DPEP1: variants seen among roughly 807,000 people sequenced by gnomAD.
DPEP1 encodes the protein dipeptidase 1, also known as beta-lactamase.
Under a neutral mutation model 42.3 loss-of-function variants are expected in DPEP1, and 50 were observed. That is an observed-to-expected ratio of 1.18 (90% confidence interval 0.94 to 1.50). The LOEUF (loss-of-function observed/expected upper bound fraction) is 1.50, where lower values mean the gene tolerates loss of function less well. Ranked by LOEUF, DPEP1 falls within the 40% of genes most tolerant of loss-of-function variation. The probability of loss-of-function intolerance (pLI) is 0.00; values close to 1 mark genes in which losing one functional copy is unlikely to be tolerated. For synonymous variants in DPEP1, 297 were observed against 234.0 expected, an observed-to-expected ratio of 1.27 and a Z score of -2.46; for missense variants, 663 against 553.0, an observed-to-expected ratio of 1.20 and a Z score of -1.99.
rs200795703 is a variant in DPEP1, at chr16:89,635,989, C to T, written c.186C>T (p.Ala62=). 5.6e-5 allele frequency: 91 copies of T among 1,612,290 alleles called. No homozygotes were observed. The highest frequency in any genetic ancestry group is 4.7e-4 in the African/African-American group (35 of 75,036). Reference sequence around the variant, plus strand: ...AGAGGGCCAACCTGACCACCTTGGCCGGCACACACACCAACATCCCCAAGC... The same window carrying T: ...AGAGGGCCAACCTGACCACCTTGGCTGGCACACACACCAACATCCCCAAGC... The part of the protein sequence containing the change: ...QDERANLTTL[A]GTHTNIPKLR... The change falls in exon 3 of 11, where the codon GCC becomes GCT. Residue 62 remains alanine (A), a synonymous_variant. Transcript: ENST00000690203.
At chr16:89,621,248 C>T (rs1463469986) in intron 1 of DPEP1, among the ~76,000 whole-genome samples, 2 of 150,764 alleles carry the variant, frequency 1.3e-5, no homozygotes, top group Non-Finnish European at 3.0e-5. Flanking sequence ...GAGCTCGCGC[C>T]CTGGTGCAGA....
chr16:89,621,754 G>A (rs968771004), intron 1 of DPEP1, among the ~76,000 whole-genome samples: 1 of 152,220 alleles, frequency 6.6e-6, no homozygotes, highest in Admixed American at 6.5e-5. Flanking sequence ...GTATCTGAGT[G>A]TGCGTTTACT....
At chr16:89,640,032 C>T (rs1335105678), downstream of DPEP1, among the ~76,000 whole-genome samples, 1 of 152,204 alleles carries the variant, frequency 6.6e-6, no homozygotes, top group Admixed American at 6.5e-5. Context: ...CCCAGGCTCC[C>T]TCCCACTGTG....
rs984574592 is a variant in DPEP1 at position 89,631,226 on chromosome 16, C to T, written c.104+712C>T. Among the ~76,000 whole-genome samples the T allele has an allele frequency of 7.2e-5, 11 of 152,120 alleles. 2 individuals carry two copies. The South Asian group carries it at 2.3e-3, about 31-fold the overall frequency. On this transcript the variant is annotated intron_variant, in intron 2 of 10. Coordinates refer to ENST00000690203, the MANE Select transcript of DPEP1 (RefSeq NM_001389466.1). ...GCCCTTGCCTGTGCTGCGCTGTGTG[C>T]CCACCCGGCCCCCACCCCCGACCTC...
Position 89,637,844 on chromosome 16 carries a change from AG to A in DPEP1, c.942del (p.Leu315TrpfsTer10), listed in dbSNP as rs745386646. 14 of 1,612,590 alleles carry A rather than the reference AG, an allele frequency of 8.7e-6. No individual in the cohort carries two copies. In the South Asian group the frequency reaches 1.5e-4, roughly 18 times the overall value. On this transcript the variant is annotated frameshift_variant, in exon 10 of 11. Transcript: ENST00000690203. LOFTEE classifies it high-confidence loss of function. ...TCCTGGCCTCAACACAGGGTCCCTGAGGGGCTGGAGGACGTCTCCAAGTATC... is the reference window on the plus strand; with the variant it reads ...TCCTGGCCTCAACACAGGGTCCCTGAGGGCTGGAGGACGTCTCCAAGTATC... Reference protein sequence around the residue: ...GDFDGVPRVPEGLEDVSKYPD... With the variant: ...GDFDGVPRVPXGLEDVSKYPD...
intron 2 of DPEP1, among the ~76,000 whole-genome samples, chr16:89,634,829 T>C (rs1418364555): frequency 3.4e-5 from 1 of 29,354 alleles, no homozygotes; most frequent in Admixed American, 4.0e-4. Context: ...CCCTTCCTTC[T>C]CCTTTCCCTT....
chr16:89,631,915 C>G (rs969429027), intron 2 of DPEP1, among the ~76,000 whole-genome samples: 23 of 152,124 alleles, frequency 1.5e-4, no homozygotes, highest in Non-Finnish European at 3.1e-4. Flanking sequence ...AGGGTGGTCC[C>G]TGCATCCTCA....
Position 89,635,996 on chromosome 16 carries a change from C to T in DPEP1, c.193C>T (p.His65Tyr). 5.6e-6 allele frequency: 9 copies of T among 1,612,324 alleles called. No individual in the cohort carries two copies. Among genetic ancestry groups the T allele is most frequent in the Non-Finnish European group, 6.8e-6 (8 of 1,179,760 alleles). ...RANLTTLAGT[H>Y]TNIPKLRAGF... ...CAACCTGACCACCTTGGCCGGCACA[C>T]ACACCAACATCCCCAAGCTGAGGGC... Residue 65 changes from histidine (H) to tyrosine (Y), a missense_variant, in exon 3 of 11, where the codon CAC becomes TAC. His to Tyr is a moderately conservative substitution (Grantham distance 83). Coordinates refer to ENST00000690203, the MANE Select transcript of DPEP1 (RefSeq NM_001389466.1).
chr16:89,632,602 CCGGCTT>C (rs1476903836), intron 2 of DPEP1, among the ~76,000 whole-genome samples: 2 of 152,202 alleles, frequency 1.3e-5, no homozygotes, highest in African/African-American at 2.4e-5. Context: ...GAGCAGGACG[CCGGCTT>C]CCATATCCCA....
rs1474550886 is a variant in DPEP1, at chr16:89,637,658, G to C, written c.880G>C (p.Ala294Pro). The part of the protein sequence containing the change: ...ADHLDHIKEV[A>P]GARAVGFGGD... ...CCATCTGGATCACATCAAGGAGGTG[G>C]CAGGAGCCAGAGCCGTGGGTTTTGG... The change falls in exon 9 of 11, where the codon GCA becomes CCA. Residue 294 changes from alanine to proline, a missense_variant. Physicochemically the swap from Ala to Pro is conservative, Grantham distance 27. Coordinates refer to ENST00000690203, the MANE Select transcript of DPEP1 (RefSeq NM_001389466.1). The C allele has an allele frequency of 1.2e-6, 2 of 1,612,940 alleles. No individual in the cohort carries two copies. Among genetic ancestry groups the C allele is most frequent in the Non-Finnish European group, 1.7e-6 (2 of 1,180,016 alleles).
At chr16:89,633,801 G>A (rs2059621466) in intron 2 of DPEP1, among the ~76,000 whole-genome samples, 1 of 151,778 alleles carries the variant, frequency 6.6e-6, no homozygotes, top group African/African-American at 2.4e-5. Context: ...CACAGGGATG[G>A]GTCTGGAAAC....
chr16:89,630,302 C>A lies in DPEP1; in HGVS notation c.-106-3C>A. Reference sequence around the variant, plus strand: ...CCCACACCTCTGGTGCCTCTCCTGGCAGGCAGAGTGGCTCCTCACAGCCTG... The same window carrying A: ...CCCACACCTCTGGTGCCTCTCCTGGAAGGCAGAGTGGCTCCTCACAGCCTG... On this transcript the variant is annotated splice_region_variant and splice_polypyrimidine_tract_variant and intron_variant, in intron 1 of 10. Coordinates refer to ENST00000690203, the MANE Select transcript of DPEP1 (RefSeq NM_001389466.1). The A allele has an allele frequency of 2.5e-6, 2 of 801,464 alleles. No individual in the cohort carries two copies. Among genetic ancestry groups the A allele is most frequent in the Non-Finnish European group, 2.0e-6 (1 of 490,620 alleles). 49.6% of individuals were successfully genotyped at this position (801,464 alleles called of 1,614,324 possible).
intron 1 of DPEP1, among the ~76,000 whole-genome samples, chr16:89,618,067 C>T (rs574447752): frequency 1.9e-4 from 29 of 152,066 alleles, no homozygotes; most frequent in South Asian, 1.0e-3. Context: ...CATTCTAAGT[C>T]AAGAAAAATT....
At position 89,636,280 on chromosome 16, in the gene DPEP1, C is replaced by T. The variant is rs762596549; in HGVS notation, c.254C>T (p.Thr85Met). The part of the protein sequence containing the change: ...FVGGQFWSVY[T>M]PCDTQNKDAV... ...GGCCCACAGTTCTGGTCCGTGTACA[C>T]GCCCTGCGACACCCAGAACAAAGAC... The change falls in exon 4 of 11, where the codon ACG becomes ATG. Residue 85 changes from threonine (T) to methionine (M), a missense_variant. Transcript: ENST00000690203. 18 of 1,609,850 alleles carry T rather than the reference C, an allele frequency of 1.1e-5. No individual in the cohort carries two copies. The highest frequency in any genetic ancestry group is 5.5e-5 in the South Asian group (5 of 90,616).
At chr16:89,628,420 G>A (rs867426458) in intron 1 of DPEP1, among the ~76,000 whole-genome samples, 2 of 149,912 alleles carry the variant, frequency 1.3e-5, no homozygotes, top group African/African-American at 2.5e-5. Flanking sequence ...ACCATGCCTG[G>A]CTAATTTTTG....
chr16:89,637,733 T>G, intron 9 of DPEP1, 26 bp downstream of exon 9: 1 of 1,612,904 alleles, frequency 6.2e-7, no homozygotes. Flanking sequence ...CTCTGTCCTG[T>G]GGATGAGCCG....
At chr16:89,618,003 G>A (rs920994177) in intron 1 of DPEP1, among the ~76,000 whole-genome samples, 3 of 151,998 alleles carry the variant, frequency 2.0e-5, no homozygotes, top group Middle Eastern at 3.2e-3. Context: ...CATCCTGGGC[G>A]ACAGAGCGAG....
At chr16:89,622,783 C>CAAA (rs60838469) in intron 1 of DPEP1, among the ~76,000 whole-genome samples, 5 of 118,434 alleles carry the variant, frequency 4.2e-5, no homozygotes, top group East Asian at 4.4e-4. Flanking sequence ...GACTCTGTCT[C>CAAA]AAAAAAAAAA....
chr16:89,641,283 G>A (rs928080913), downstream of DPEP1, among the ~76,000 whole-genome samples: 6 of 152,068 alleles, frequency 3.9e-5, no homozygotes, highest in South Asian at 2.1e-4. Flanking sequence ...CTTTTCTAAC[G>A]CGCCCCCGGG....
Sources: gnomAD v4.1 joint callset for allele counts (sites outside exome capture counted in the v4.1 genomes callset) on GRCh38, gnomAD v4.1.1 for gene constraint, MANE v1.5 for transcripts, NCBI Gene and HGNC (gene_info 2026-07-23, HGNC 2026-07-21) for gene names.